Variants in MED13L observed in about 807,000 individuals in gnomAD.
MED13L encodes the protein mediator of RNA polymerase II transcription subunit 13-like.
Under a neutral mutation model 220.9 loss-of-function variants are expected in MED13L, and 7 were observed. The observed-to-expected ratio is 0.03, with a 90% CI of 0.02 to 0.06. MED13L has a LOEUF of 0.06. MED13L is among the 10% of genes least tolerant of loss of function. MED13L has a pLI of 1.00. For missense variants in MED13L, 1,965 were observed against 2,760.5 expected (o/e 0.71, Z 6.46); for synonymous variants, 1,011 against 1,015.2 (o/e 1.00, Z 0.08).
intron 4 of MED13L, among the ~76,000 whole-genome samples, chr12:116,052,904 A>C (rs1424791664): frequency 1.3e-5 from 2 of 152,240 alleles, no homozygotes; most frequent in African/African-American, 2.4e-5. Flanking sequence ...GAGAAAGTCA[A>C]ATGCATTTCA....
intron 7 of MED13L, among the ~76,000 whole-genome samples, chr12:116,018,907 A>C (rs569128500): frequency 8.0e-5 from 11 of 138,244 alleles, no homozygotes; most frequent in African/African-American, 2.1e-4. Flanking sequence ...TAAAAAAAAA[A>C]AAAACAAAAA....
At chr12:116,038,452 T>A (rs1374474357) in intron 4 of MED13L, among the ~76,000 whole-genome samples, 5 of 152,122 alleles carry the variant, frequency 3.3e-5, no homozygotes, top group Non-Finnish European at 7.3e-5. Context: ...AATTACAAAA[T>A]GTGTCTCATT....
At chr12:116,053,057 CTG>C (rs1366476010) in intron 4 of MED13L, among the ~76,000 whole-genome samples, 1 of 152,120 alleles carries the variant, frequency 6.6e-6, no homozygotes, top group African/African-American at 2.4e-5. Flanking sequence ...ATGCAAATAT[CTG>C]TCTTTCTGAA....
chr12:116,133,455 G>GT (rs1876258038), intron 2 of MED13L, among the ~76,000 whole-genome samples: 1 of 152,122 alleles, frequency 6.6e-6, no homozygotes, highest in East Asian at 1.9e-4. Context: ...GGCTGGTACT[G>GT]TAACTCTTGG....
chr12:116,215,650 GC>G (rs1882948568), intron 2 of MED13L, among the ~76,000 whole-genome samples: 1 of 151,532 alleles, frequency 6.6e-6, no homozygotes, highest in Non-Finnish European at 1.5e-5. Context: ...ATGAAGCCAA[GC>G]CCCTTTCCCT....
At chr12:116,178,855 A>G (rs1880275913) in intron 2 of MED13L, among the ~76,000 whole-genome samples, 1 of 152,240 alleles carries the variant, frequency 6.6e-6, no homozygotes, top group Admixed American at 6.5e-5. Context: ...GACATGAGAA[A>G]TTAATCTAAC....
intron 4 of MED13L, among the ~76,000 whole-genome samples, chr12:116,052,078 T>TACAC (rs79990251): frequency 0.039 from 5,870 of 149,560 alleles, 173 homozygotes; most frequent in South Asian, 0.16. Flanking sequence ...CCTACACACA[T>TACAC]ACACACACAC....
chr12:116,136,388 C>G (rs966876647), intron 2 of MED13L, among the ~76,000 whole-genome samples: 1 of 152,100 alleles, frequency 6.6e-6, no homozygotes, highest in Non-Finnish European at 1.5e-5. Context: ...CTGAGTATCA[C>G]CACACAATCT....
At chr12:116,120,152 A>C (rs2137948043) in intron 2 of MED13L, among the ~76,000 whole-genome samples, 1 of 152,084 alleles carries the variant, frequency 6.6e-6, no homozygotes, top group South Asian at 2.1e-4. Context: ...CATCTACTTA[A>C]AGAGGATTAG....
intron 13 of MED13L, among the ~76,000 whole-genome samples, chr12:116,003,987 A>G (rs1878899550): frequency 6.6e-6 from 1 of 152,178 alleles, no homozygotes; most frequent in African/African-American, 2.4e-5. Flanking sequence ...AAAATGTCCA[A>G]TTCTCCTTTT....
chr12:116,191,490 C>T (rs1348276184), intron 2 of MED13L, among the ~76,000 whole-genome samples: 1 of 151,856 alleles, frequency 6.6e-6, no homozygotes, highest in African/African-American at 2.4e-5. Flanking sequence ...GCCACCATGC[C>T]CAGGTAATTT....
At chr12:116,067,116 G>GA (rs1284110672) in intron 4 of MED13L, among the ~76,000 whole-genome samples, 1 of 151,544 alleles carries the variant, frequency 6.6e-6, no homozygotes, top group Admixed American at 6.6e-5. Flanking sequence ...AACAAGAGAT[G>GA]AAAAAAAGCT....
At chr12:115,996,930 C>A (rs1878443147) in intron 15 of MED13L, 80 bp downstream of exon 15, 11 of 1,419,264 alleles carry the variant, frequency 7.8e-6, no homozygotes, top group Non-Finnish European at 1.1e-5. Context: ...GGCACACAGA[C>A]AATACCATTT....
chr12:116,149,711 C>T (rs1371894550), intron 2 of MED13L, among the ~76,000 whole-genome samples: 1 of 152,098 alleles, frequency 6.6e-6, no homozygotes, highest in Non-Finnish European at 1.5e-5. Flanking sequence ...GACGCTGATA[C>T]AGATGACCTA....
rs992267810 is a variant in MED13L, at chr12:116,277,554, G to C, written c.-423C>G. Reference sequence around the variant, plus strand: ...CGCCGCGGAGCGCGAACTCGCGAAGGGGGGGGTGCGGACGAAGCCAGCGGG... The same window carrying C: ...CGCCGCGGAGCGCGAACTCGCGAAGCGGGGGGTGCGGACGAAGCCAGCGGG... On this transcript the variant is annotated 5_prime_UTR_variant, in exon 1 of 31. Coordinates refer to ENST00000281928, the MANE Select transcript of MED13L (RefSeq NM_015335.5). 2.7e-5 allele frequency among the ~76,000 whole-genome samples: 4 copies of C among 149,308 alleles called. No homozygotes were observed. The highest frequency in any genetic ancestry group is 3.2e-3 in the Middle Eastern group (1 of 312).
chr12:116,165,540 C>T (rs1228062015), intron 2 of MED13L, among the ~76,000 whole-genome samples: 1 of 151,722 alleles, frequency 6.6e-6, no homozygotes, highest in African/African-American at 2.4e-5. Context: ...CTGTGTTAGC[C>T]GAATGGTCTC....
At chr12:116,164,220 T>TA (rs1879084452) in intron 2 of MED13L, among the ~76,000 whole-genome samples, 2 of 152,108 alleles carry the variant, frequency 1.3e-5, no homozygotes, top group Admixed American at 1.3e-4. Context: ...GCATATCAAA[T>TA]AAAAAAACTG....
At chr12:116,176,395 CCATCAT>C (rs140238306) in intron 2 of MED13L, among the ~76,000 whole-genome samples, 18 of 151,760 alleles carry the variant, frequency 1.2e-4, no homozygotes, top group South Asian at 6.3e-4. Context: ...ATATAAGCTC[CCATCAT>C]CATCATCATC....
intron 2 of MED13L, among the ~76,000 whole-genome samples, chr12:116,141,852 C>T (rs1401436720): frequency 1.3e-5 from 2 of 152,130 alleles, no homozygotes; most frequent in Non-Finnish European, 2.9e-5. Flanking sequence ...GGCTTCTCAA[C>T]TCTGAGAAAG....
Sources: allele counts gnomAD v4.1 joint callset (sites outside exome capture counted in the v4.1 genomes callset), GRCh38; gene constraint gnomAD v4.1.1; transcripts MANE v1.5; gene names NCBI Gene and HGNC (gene_info 2026-07-23, HGNC 2026-07-21).